The following FRMPD1 variants were observed in gnomAD, a reference collection of about 807,000 sequenced individuals.
FRMPD1 encodes FERM and PDZ domain-containing protein 1.
Under a neutral mutation model 117.8 loss-of-function variants are expected in FRMPD1, and 76 were observed. The observed-to-expected ratio is 0.65, with a 90% confidence interval of 0.54 to 0.78. The LOEUF (loss-of-function observed/expected upper bound fraction) is 0.78. Among genes scored for constraint, FRMPD1 ranks in the 30% least tolerant of loss-of-function variants. The pLI, the probability that FRMPD1 is intolerant of heterozygous loss-of-function variation, is 0.00. For synonymous variants in FRMPD1, 783 were observed against 770.4 expected (o/e 1.02, Z -0.27); for missense variants, 1,786 against 1,964.5 (o/e 0.91, Z 1.72).
In FRMPD1 at chr9:37,708,417, AGCTTT is replaced by A; in HGVS notation, c.279_283del (p.Lys93AsnfsTer4). On this transcript the variant is annotated frameshift_variant, in exon 4 of 16. Transcript: ENST00000377765. LOFTEE classifies it high-confidence loss of function. Reference sequence around the variant, plus strand: ...CCAACAGGAGGCTCTGCTCACGGCAAGCTTTTCCCTGGTGATCAGATCCTCCAAAT... The same window carrying A: ...CCAACAGGAGGCTCTGCTCACGGCAATCCCTGGTGATCAGATCCTCCAAAT... 6.2e-7 allele frequency: 1 copy of A among 1,611,822 alleles called. No individual in the cohort carries two copies.
At chr9:37,706,936 G>GTCCGTCCATCCA (rs1045176872) in intron 2 of FRMPD1, among the ~76,000 whole-genome samples, 12 of 150,048 alleles carry the variant, frequency 8.0e-5, no homozygotes, top group African/African-American at 3.0e-4. Context: ...CTGTCAGTCC[G>GTCCGTCCATCCA]TCCATCCATC....
At chr9:37,690,888 G>A (rs1822109350) in intron 1 of FRMPD1, among the ~76,000 whole-genome samples, 2 of 152,194 alleles carry the variant, frequency 1.3e-5, no homozygotes, top group South Asian at 4.1e-4. Context: ...GCACACAAGA[G>A]AGTGTGGAAA....
intron 1 of FRMPD1, among the ~76,000 whole-genome samples, chr9:37,656,261 A>G (rs1260700924): frequency 1.3e-5 from 2 of 152,164 alleles, no homozygotes; most frequent in African/African-American, 4.8e-5. Context: ...GGGGTTGCAT[A>G]TGGTTGTCAG....
chr9:37,626,121 G>T, the FRMPD1 span, among the ~76,000 whole-genome samples: 10 of 152,146 alleles, frequency 6.6e-5, no homozygotes, highest in East Asian at 1.9e-3. Flanking sequence ...GAGGTTAGGA[G>T]TTCAAGATCA....
At chr9:37,630,412 C>T in the FRMPD1 span, among the ~76,000 whole-genome samples, 5 of 151,998 alleles carry the variant, frequency 3.3e-5, no homozygotes, top group East Asian at 1.9e-4. Context: ...GACAGGGTTT[C>T]GCTCTGTCAC....
At position 37,740,779 on chromosome 9, in the gene FRMPD1, C is replaced by T. The variant is rs1334472367; in HGVS notation, c.2251C>T (p.Leu751=). 2 of 1,613,974 alleles carry T rather than the reference C, an allele frequency of 1.2e-6. No homozygotes were observed. Among genetic ancestry groups the T allele is most frequent in the African/African-American group, 2.7e-5 (2 of 74,944 alleles). The change falls in exon 15 of 16, where the codon CTG becomes TTG. Residue 751 remains leucine (L), a synonymous_variant. Coordinates refer to ENST00000377765, the MANE Select transcript of FRMPD1 (RefSeq NM_014907.3). This position sits in a 1 kb window ranked among gnomAD's most constrained non-coding sequence, Gnocchi z 4.2. ...GACTGAGGCCCAGCCCAGTTCCATG[C>T]TGGAACCCCTGGCCCTGCACCCACC... is the stretch of plus-strand genomic sequence containing the variant. ...GWTEAQPSSM[L]EPLALHPPLA... is the part of the protein sequence containing the mutation.
Position 37,719,168 on chromosome 9 carries a change from C to T in FRMPD1, c.508C>T (p.His170Tyr), listed in dbSNP as rs772326418. ...TGCTGAAGAAGTGCTCATCAGTGGA[C>T]ACAGCCAGGTGTGTCACTAGTCAAG... ...HFAEEVLISGHSQGNSLLCMP... is the reference protein window; with the variant it reads ...HFAEEVLISGYSQGNSLLCMP... The change falls in exon 6 of 16, where the codon CAC becomes TAC. Residue 170 changes from histidine to tyrosine, a missense_variant. By Grantham distance (83) the His-to-Tyr change is moderately conservative. Transcript: ENST00000377765. The T allele has an allele frequency of 6.3e-7, 1 of 1,599,410 alleles. No homozygotes were observed. Among genetic ancestry groups the T allele is most frequent in the Non-Finnish European group, 8.6e-7 (1 of 1,166,588 alleles).
In FRMPD1 at chr9:37,669,423, C is replaced by A. The variant is rs58760564; in HGVS notation, c.-5+18329C>A. Among the ~76,000 whole-genome samples, 340 of 152,280 alleles carry A rather than the reference C, an allele frequency of 2.2e-3. 16 individuals carry two copies. The East Asian group carries it at 0.061, about 27-fold the overall frequency. ...AACTCTGCGGGTGGGGCCCAGCAAC[C>A]TGTGTTTTAACAAGTCCTCCAGGTG... On this transcript the variant is annotated intron_variant, in intron 1 of 15. Transcript: ENST00000377765.
the FRMPD1 span, among the ~76,000 whole-genome samples, chr9:37,629,415 C>G: frequency 6.6e-6 from 1 of 152,282 alleles, no homozygotes; most frequent in East Asian, 1.9e-4. Flanking sequence ...TCATTCACAG[C>G]TGCATGGTCA....
At chr9:37,713,016 A>G (rs1297434854) in intron 5 of FRMPD1, among the ~76,000 whole-genome samples, 1 of 151,994 alleles carries the variant, frequency 6.6e-6, no homozygotes, top group Non-Finnish European at 1.5e-5. Flanking sequence ...AAGGAGATAC[A>G]TACTATGTTC....
intron 2 of FRMPD1, 46 bp downstream of exon 2, chr9:37,692,788 T>C: frequency 3.7e-6 from 5 of 1,357,768 alleles, no homozygotes; most frequent in Non-Finnish European, 5.3e-6. Context: ...AGGTCTGGTG[T>C]CCCGGGGGAG....
chr9:37,604,687 A>G, the FRMPD1 span, among the ~76,000 whole-genome samples: 1 of 152,210 alleles, frequency 6.6e-6, no homozygotes, highest in African/African-American at 2.4e-5. Flanking sequence ...CCTGATGGAC[A>G]AGGCACCAGC....
At chr9:37,616,413 G>A in the FRMPD1 span, among the ~76,000 whole-genome samples, 13 of 152,034 alleles carry the variant, frequency 8.6e-5, no homozygotes, top group East Asian at 5.8e-4. Flanking sequence ...CACTGCGCCC[G>A]GCCCACATCT....
At chr9:37,698,679 A>T (rs1201059145) in intron 2 of FRMPD1, among the ~76,000 whole-genome samples, 1 of 148,012 alleles carries the variant, frequency 6.8e-6, no homozygotes, top group African/African-American at 2.5e-5. Flanking sequence ...CTCCTGCCTC[A>T]GTCGCCCGCG....
At chr9:37,685,493 AAAAAAAAAT>A (rs1563930848) in intron 1 of FRMPD1, among the ~76,000 whole-genome samples, 1 of 151,964 alleles carries the variant, frequency 6.6e-6, no homozygotes, top group African/African-American at 2.4e-5. Flanking sequence ...AATACAAAAA[AAAAAAAAAT>A]TTAGCCGGGC....
At chr9:37,636,272 G>A in the FRMPD1 span, among the ~76,000 whole-genome samples, 8 of 152,170 alleles carry the variant, frequency 5.3e-5, no homozygotes, top group Non-Finnish European at 1.0e-4. Context: ...ACTGACTGCA[G>A]CCAGGGCAGT....
chr9:37,712,977 T>C (rs1280934599), intron 5 of FRMPD1, among the ~76,000 whole-genome samples: 1 of 152,002 alleles, frequency 6.6e-6, no homozygotes, highest in African/African-American at 2.4e-5. Flanking sequence ...AACTAGACTA[T>C]TACTGACATA....
rs1262734766 is a variant in FRMPD1 at position 37,729,908 on chromosome 9, C to A, written c.738+55C>A. 3 of 1,579,468 alleles carry A rather than the reference C, an allele frequency of 1.9e-6. No individual in the cohort carries two copies. The African/African-American group carries it at 4.0e-5, about 21-fold the overall frequency. ...AGGCATGGGCTGGGCTGGCTGCATA[C>A]CTCAGCCAGAACCTCTGGGGACAGG... On this transcript the variant is annotated intron_variant, in intron 8 of 15. Coordinates refer to ENST00000377765, the MANE Select transcript of FRMPD1 (RefSeq NM_014907.3).
At chr9:37,694,473 A>G (rs1446616349) in intron 2 of FRMPD1, among the ~76,000 whole-genome samples, 1 of 152,178 alleles carries the variant, frequency 6.6e-6, no homozygotes, top group Non-Finnish European at 1.5e-5. Context: ...TCAATACTAT[A>G]AAAAGAAACC....
Sources: allele counts gnomAD v4.1 joint callset (sites outside exome capture counted in the v4.1 genomes callset), GRCh38; gene constraint gnomAD v4.1.1; non-coding constraint Gnocchi (gnomAD v3.1); transcripts MANE v1.5; gene names NCBI Gene and HGNC (gene_info 2026-07-23, HGNC 2026-07-21).